NELL2: variants seen among roughly 807,000 people sequenced by gnomAD.
NELL2 encodes neural EGFL like 2, also known as protein kinase C-binding protein NELL2.
NELL2 carries 41 observed loss-of-function variants against 109.6 expected under a neutral mutation model. The ratio of observed to expected loss-of-function variants is 0.37; its 90% CI spans 0.29 to 0.49. The LOEUF (loss-of-function observed/expected upper bound fraction) is 0.49. Ranked by LOEUF, NELL2 falls within the 20% of genes least tolerant of loss-of-function variation. NELL2 has a pLI of 0.98. For missense variants in NELL2, 900 were observed against 1,008.3 expected, an observed-to-expected ratio of 0.89 and a Z score of 1.45; for synonymous variants, 355 against 344.7, an observed-to-expected ratio of 1.03 and a Z score of -0.33.
chr12:44,753,150 A>C (rs1219974456), intron 9 of NELL2, among the ~76,000 whole-genome samples: 1 of 152,112 alleles, frequency 6.6e-6, no homozygotes, highest in Non-Finnish European at 1.5e-5. Flanking sequence ...TCTCAGTTCA[A>C]ATGTCGCCTC....
At chr12:44,644,622 A>AG (rs1947015628) in intron 13 of NELL2, among the ~76,000 whole-genome samples, 1 of 92,814 alleles carries the variant, frequency 1.1e-5, no homozygotes, top group Non-Finnish European at 2.2e-5. Context: ...ATATATATAT[A>AG]TATACATACA....
intron 15 of NELL2, among the ~76,000 whole-genome samples, chr12:44,587,873 T>C (rs760520116): frequency 2.1e-4 from 32 of 151,998 alleles, no homozygotes; most frequent in Non-Finnish European, 3.8e-4. Flanking sequence ...TGGTTTCGGT[T>C]GGGCGCAGTG....
At chr12:44,528,056 T>TGC (rs1565876635) in intron 16 of NELL2, among the ~76,000 whole-genome samples, 7 of 114,760 alleles carry the variant, frequency 6.1e-5, no homozygotes, top group African/African-American at 2.4e-4. Context: ...CGAGATCGCC[T>TGC]CACTGCACTC....
chr12:44,915,297 G>C (rs965456651), upstream of NELL2, among the ~76,000 whole-genome samples: 3 of 152,124 alleles, frequency 2.0e-5, no homozygotes, highest in Non-Finnish European at 2.9e-5. Flanking sequence ...CAAAACTGAA[G>C]GCTATTTAAA....
intron 12 of NELL2, among the ~76,000 whole-genome samples, chr12:44,685,898 T>A (rs971250355): frequency 6.6e-6 from 1 of 152,114 alleles, no homozygotes; most frequent in Non-Finnish European, 1.5e-5. Flanking sequence ...TGTGTCTTGG[T>A]GTTGCTCTTC....
intron 2 of NELL2, among the ~76,000 whole-genome samples, chr12:44,861,307 A>T (rs927433490): frequency 1.3e-5 from 2 of 152,168 alleles, no homozygotes; most frequent in Non-Finnish European, 2.9e-5. Context: ...AACACTAGGC[A>T]CGACTCCACA....
chr12:44,903,519 C>T (rs1348623264), intron 1 of NELL2, among the ~76,000 whole-genome samples: 1 of 152,008 alleles, frequency 6.6e-6, no homozygotes, highest in Non-Finnish European at 1.5e-5. Flanking sequence ...ACCATTTGAC[C>T]CAGAAATCCC....
At position 44,580,830 on chromosome 12, in the gene NELL2, T is replaced by C. The variant is rs371293593; in HGVS notation, c.1663+26339A>G. On this transcript the variant is annotated intron_variant, in intron 15 of 19. Transcript: ENST00000429094. ...TCAGGGTATTTTATTATTTGTGAGC[T>C]GTACATTTCAGCTCATTTTATATAA... Among the ~76,000 whole-genome samples the C allele has an allele frequency of 5.9e-5, 9 of 152,330 alleles. No homozygotes were observed. The South Asian group carries it at 1.7e-3, about 28-fold the overall frequency.
At chr12:44,571,997 C>T (rs976851039) in intron 15 of NELL2, among the ~76,000 whole-genome samples, 1 of 152,048 alleles carries the variant, frequency 6.6e-6, no homozygotes, top group African/African-American at 2.4e-5. Context: ...GAAATCATAG[C>T]AAAACGTGCA....
rs1029371436 is a variant in NELL2 at position 44,522,158 on chromosome 12, G to A, written c.2017C>T (p.Arg673Ter). 2 of 1,613,000 alleles carry A rather than the reference G, an allele frequency of 1.2e-6. No individual in the cohort carries two copies. Among genetic ancestry groups the A allele is most frequent in the Non-Finnish European group, 1.7e-6 (2 of 1,179,812 alleles). Residue 673 changes from arginine to a stop codon, truncating the protein, a stop_gained, in exon 18 of 20, where the codon CGA (arginine) becomes TGA (stop). Transcript: ENST00000429094. LOFTEE classifies it high-confidence loss of function. ...CSCQNGFVMC[R>*]RMVCDCENPT... Reference sequence around the variant, plus strand: ...TTCTCACAGTCACAGACCATCCGTCGACACATAACGAATCCATTCTGTATG... The same window carrying A: ...TTCTCACAGTCACAGACCATCCGTCAACACATAACGAATCCATTCTGTATG...
chr12:44,856,959 G>A (rs1226091098), intron 2 of NELL2, among the ~76,000 whole-genome samples: 1 of 152,126 alleles, frequency 6.6e-6, no homozygotes, highest in African/African-American at 2.4e-5. Flanking sequence ...GAAAGAGGGT[G>A]GTAGCTTGGA....
intron 2 of NELL2, among the ~76,000 whole-genome samples, chr12:44,820,344 C>G (rs1943498247): frequency 6.6e-6 from 1 of 152,162 alleles, no homozygotes; most frequent in Admixed American, 6.5e-5. Context: ...CGCAGTGGCT[C>G]ACGCCTGTAA....
chr12:44,576,778 G>A (rs1460362099), intron 15 of NELL2, among the ~76,000 whole-genome samples: 7 of 151,840 alleles, frequency 4.6e-5, no homozygotes, highest in Non-Finnish European at 1.0e-4. Flanking sequence ...TCCCACCTGT[G>A]AGTGAGAATA....
chr12:44,729,454 C>T (rs1026774374), intron 9 of NELL2, among the ~76,000 whole-genome samples: 1 of 150,960 alleles, frequency 6.6e-6, no homozygotes, highest in Non-Finnish European at 1.5e-5. Flanking sequence ...TAAGAAGCTA[C>T]AAGACAAACA....
intron 1 of NELL2, among the ~76,000 whole-genome samples, chr12:44,901,762 A>G (rs952225600): frequency 1.3e-5 from 2 of 152,198 alleles, no homozygotes; most frequent in Non-Finnish European, 2.9e-5. Flanking sequence ...CAAATCAATA[A>G]ATGGAATCCA....
At chr12:44,577,465 GTTTTTTTTTT>G (rs746239984) in intron 15 of NELL2, among the ~76,000 whole-genome samples, 1 of 83,438 alleles carries the variant, frequency 1.2e-5, no homozygotes, top group Non-Finnish European at 2.2e-5. Context: ...CAGATGAGTA[GTTTTTTTTTT>G]TTTTTTTTTT....
At chr12:44,884,425 A>C (rs1054051429) in intron 1 of NELL2, among the ~76,000 whole-genome samples, 2 of 152,160 alleles carry the variant, frequency 1.3e-5, no homozygotes, top group Non-Finnish European at 2.9e-5. Flanking sequence ...ATAATCAATA[A>C]AAATCTCTAG....
chr12:44,745,080 C>A (rs1413001028), intron 9 of NELL2, among the ~76,000 whole-genome samples: 1 of 152,196 alleles, frequency 6.6e-6, no homozygotes, highest in African/African-American at 2.4e-5. Context: ...CCGAATCCAG[C>A]AGCACATCGA....
chr12:44,819,771 G>C (rs1461681358), intron 2 of NELL2, among the ~76,000 whole-genome samples: 1 of 152,144 alleles, frequency 6.6e-6, no homozygotes, highest in Non-Finnish European at 1.5e-5. Context: ...ATGGCTTGCA[G>C]GAAGGAGGGA....
Sources: allele counts gnomAD v4.1 joint callset (sites outside exome capture counted in the v4.1 genomes callset), GRCh38; gene constraint gnomAD v4.1.1; transcripts MANE v1.5; gene names NCBI Gene and HGNC (gene_info 2026-07-23, HGNC 2026-07-21).